Variants in ZSCAN2 observed in about 807,000 individuals in gnomAD.
The protein encoded by ZSCAN2 is zinc finger and SCAN domain-containing protein 2.
A neutral mutation model predicts 47.8 loss-of-function variants in ZSCAN2; 26 were observed. That is an observed-to-expected ratio of 0.54 (90% CI 0.40 to 0.75). ZSCAN2 has a LOEUF of 0.75. ZSCAN2 is among the 30% of genes least tolerant of loss of function. The probability of loss-of-function intolerance (pLI) is 0.00; values close to 1 mark genes in which losing one functional copy is unlikely to be tolerated. For missense variants in ZSCAN2, 732 were observed against 785.4 expected (o/e 0.93, Z 0.81); for synonymous variants, 305 against 288.7 (o/e 1.06, Z -0.57).
At chr15:84,601,281 C>T (rs773007438) in intron 1 of ZSCAN2, 146 bp downstream of exon 1, 4 of 152,236 alleles carry the variant, frequency 2.6e-5, no homozygotes, top group Admixed American at 2.6e-4. Flanking sequence ...GCCCTGCAGC[C>T]CCGATTTACG....
Position 84,622,037 on chromosome 15 carries a change from T to C in ZSCAN2, c.1842T>C (p.Tyr614=), listed in dbSNP as rs372356421. ...GAACTCACATGAAAGAGAAACTTTATTGAAGTGGCAAAGAGTGAAAGTGAG... is the reference window on the plus strand; with the variant it reads ...GAACTCACATGAAAGAGAAACTTTACTGAAGTGGCAAAGAGTGAAAGTGAG... ...HQRTHMKEKL[Y] Residue 614 remains tyrosine, a synonymous_variant, in exon 3 of 3, where the codon TAT becomes TAC. Transcript: ENST00000546148. 1.6e-5 allele frequency: 25 copies of C among 1,596,848 alleles called. No individual in the cohort carries two copies. The highest frequency in any genetic ancestry group is 1.9e-5 in the Non-Finnish European group (22 of 1,170,162).
In ZSCAN2 at chr15:84,620,750, G is replaced by T; in HGVS notation, c.555G>T (p.Gln185His). The change falls in exon 3 of 3, where the codon CAG becomes CAT. Residue 185 changes from glutamine (Q) to histidine (H), a missense_variant. By Grantham distance (24) the Gln-to-His change is conservative. Transcript: ENST00000546148. ...ACTTTGAGAGAGATGCTGGCATCCA[G>T]AGGCTCCAGGGACACAGCCCAGGTG... ...ESDFERDAGIQRLQGHSPGED... is the reference protein window; with the variant it reads ...ESDFERDAGIHRLQGHSPGED... 1 of 1,614,132 alleles carries T rather than the reference G, an allele frequency of 6.2e-7. No homozygotes were observed. The highest frequency in any genetic ancestry group is 8.5e-7 in the Non-Finnish European group (1 of 1,180,060).
intron 2 of ZSCAN2, chr15:84,606,602 C>T: frequency 6.2e-7 from 1 of 1,613,722 alleles, no homozygotes; most frequent in Non-Finnish European, 8.5e-7. Context: ...CAGTCAGATA[C>T]TATGGAGGAG....
intron 2 of ZSCAN2, chr15:84,606,882 A>G (rs1432836187): frequency 1.4e-5 from 16 of 1,136,652 alleles, no homozygotes; most frequent in Non-Finnish European, 1.7e-5. Flanking sequence ...GACCTTCCTC[A>G]TGATTGCTCA....
chr15:84,620,987 T>C lies in ZSCAN2; in HGVS notation c.792T>C (p.Asn264=). The change falls in exon 3 of 3, where the codon AAT becomes AAC. Residue 264 remains asparagine, a synonymous_variant. Transcript: ENST00000546148. The part of the protein sequence containing the change: ...ECGKSFSDGS[N]FSRHQTTHTG... The stretch of plus-strand genomic sequence containing the variant: ...GAAAAAGCTTTAGTGATGGTTCAAA[T>C]TTTAGTAGACACCAAACCACTCACA... The C allele has an allele frequency of 6.2e-7, 1 of 1,613,318 alleles. No homozygotes were observed. The highest frequency in any genetic ancestry group is 8.5e-7 in the Non-Finnish European group (1 of 1,179,832).
In ZSCAN2 at chr15:84,621,148, G is replaced by C; in HGVS notation, c.953G>C (p.Ser318Thr). ...GAGTGTGGCAAGAGCTTCAGCAGGA[G>C]TCCCAACCTCATTGCACATCAGCGC... is the stretch of plus-strand genomic sequence containing the variant. ...CAECGKSFSR[S>T]PNLIAHQRTH... The change falls in exon 3 of 3, where the codon AGT becomes ACT. Residue 318 changes from serine (S) to threonine (T), a missense_variant. This residue lies in a region of ZSCAN2 where 412 missense variants were observed against 498.0 expected (regional missense o/e 0.83). Coordinates refer to ENST00000546148, the MANE Select transcript of ZSCAN2 (RefSeq NM_181877.4). This position sits in a 1 kb window ranked among gnomAD's most constrained non-coding sequence, Gnocchi z 5.7. 6.2e-7 allele frequency: 1 copy of C among 1,613,786 alleles called. No homozygotes were observed. Among genetic ancestry groups the C allele is most frequent in the Non-Finnish European group, 8.5e-7 (1 of 1,179,964 alleles).
At chr15:84,608,530 C>CAA (rs1181525313) in intron 2 of ZSCAN2, among the ~76,000 whole-genome samples, 2,225 of 92,546 alleles carry the variant, frequency 0.024, 74 homozygotes, top group African/African-American at 0.085. Flanking sequence ...GACTCTGTCT[C>CAA]AAAAAAAAAA....
chr15:84,607,607 C>T (rs1436376811), intron 2 of ZSCAN2, among the ~76,000 whole-genome samples: 1 of 152,154 alleles, frequency 6.6e-6, no homozygotes, highest in Non-Finnish European at 1.5e-5. Context: ...CTCCTGGGTT[C>T]AAGTGATTCT....
At chr15:84,616,421 G>C in intron 2 of ZSCAN2, 1 of 1,581,094 alleles carries the variant, frequency 6.3e-7, no homozygotes, top group Non-Finnish European at 8.6e-7. Flanking sequence ...CCAAACACAG[G>C]AAGTGATTTT....
chr15:84,615,912 T>C (rs778130800), intron 2 of ZSCAN2, among the ~76,000 whole-genome samples: 1 of 152,172 alleles, frequency 6.6e-6, no homozygotes, highest in Non-Finnish European at 1.5e-5. Context: ...CATTTAATTA[T>C]TTTTATGGAT....
intron 2 of ZSCAN2, among the ~76,000 whole-genome samples, chr15:84,607,402 T>G (rs572333115): frequency 1.3e-5 from 2 of 152,100 alleles, no homozygotes; most frequent in Non-Finnish European, 2.9e-5. Context: ...CTGTGGGACC[T>G]GGCCCAAACC....
In ZSCAN2 at chr15:84,622,668, T is replaced by C. The variant is rs773556404; in HGVS notation, c.*628T>C. On this transcript the variant is annotated 3_prime_UTR_variant, in exon 3 of 3. Transcript: ENST00000546148. Reference sequence around the variant, plus strand: ...CAGAAAGTGTCAGGAGCACAGAAACTTGAGGAAGTACAGCCTGGAGCCAGT... The same window carrying C: ...CAGAAAGTGTCAGGAGCACAGAAACCTGAGGAAGTACAGCCTGGAGCCAGT... 15 of 717,472 alleles carry C rather than the reference T, an allele frequency of 2.1e-5. No individual in the cohort carries two copies. The South Asian group carries it at 2.2e-4, about 11-fold the overall frequency. The allele number at this position is 717,472 out of a possible 1,614,324, so 44.4% of individuals were successfully genotyped here.
At chr15:84,616,663 A>C in intron 2 of ZSCAN2, 1 of 1,109,210 alleles carries the variant, frequency 9.0e-7, no homozygotes, top group Non-Finnish European at 1.1e-6. Context: ...TGATTTTAAA[A>C]CAGCAAAAAC....
intron 1 of ZSCAN2, chr15:84,602,125 GT>G (rs1895223460): frequency 6.6e-6 from 1 of 151,460 alleles, no homozygotes; most frequent in Admixed American, 6.6e-5. Flanking sequence ...GGCTAATTTT[GT>G]TTTTAGTAGA....
rs956955824 is a variant in ZSCAN2, at chr15:84,614,226, A to G, written c.407-6376A>G. On this transcript the variant is annotated intron_variant, in intron 2 of 2. Transcript: ENST00000546148. The stretch of plus-strand genomic sequence containing the variant: ...AGGCTGGTCTTGAACTCCTGGCCTC[A>G]TGCAGTCCTCTCACCTCAGCCATCC... Among the ~76,000 whole-genome samples the G allele has an allele frequency of 4.9e-4, 74 of 151,808 alleles. 1 individual carries two copies. Among genetic ancestry groups the G allele is most frequent in the Non-Finnish European group, 1.5e-5 (1 of 67,970 alleles).
intron 2 of ZSCAN2, chr15:84,606,840 G>A (rs1895396906): frequency 1.6e-6 from 2 of 1,214,006 alleles, no homozygotes; most frequent in Non-Finnish European, 2.1e-6. Context: ...CTCTGAGATT[G>A]TCTTTGTTGG....
rs145436434 is a variant in ZSCAN2, at chr15:84,621,595, T to C, written c.1400T>C (p.Met467Thr). 14 of 1,613,576 alleles carry C rather than the reference T, an allele frequency of 8.7e-6. No individual in the cohort carries two copies. Among genetic ancestry groups the C allele is most frequent in the Middle Eastern group, 1.6e-4 (1 of 6,084 alleles). The change falls in exon 3 of 3, where the codon ATG becomes ACG. Residue 467 changes from methionine to threonine, a missense_variant. Met to Thr is a moderately conservative substitution (Grantham distance 81). Transcript: ENST00000546148. The surrounding 1 kb of genome is among the most constrained non-coding windows in gnomAD (Gnocchi z 5.7). ...TCCAGTCTGATTGCACACCAGGGCA[T>C]GCACACAGGGGAGAAACCCTACGAG... is the stretch of plus-strand genomic sequence containing the variant. ...QSSSLIAHQG[M>T]HTGEKPYECL...
At position 84,622,874 on chromosome 15, in the gene ZSCAN2, T is replaced by C. The variant is rs1895846028; in HGVS notation, c.*834T>C. ...AGAGTGTAGTGAAGTCCGAGAGCCC[T>C]AGCTGCCAACCCATGGTGGATGGTA... On this transcript the variant is annotated 3_prime_UTR_variant, in exon 3 of 3. Transcript: ENST00000546148. 1 of 587,848 alleles carries C rather than the reference T, an allele frequency of 1.7e-6. No homozygotes were observed. The highest frequency in any genetic ancestry group is 3.1e-6 in the Non-Finnish European group (1 of 323,652). 36.4% of individuals were successfully genotyped at this position (587,848 alleles called of 1,614,324 possible). A position where few individuals can be genotyped will look rare whatever the true frequency, so the allele number is the denominator to read the frequency against.
At chr15:84,606,615 A>C (rs569551162) in intron 2 of ZSCAN2, 1 of 1,612,716 alleles carries the variant, frequency 6.2e-7, no homozygotes, top group East Asian at 2.2e-5. Context: ...TGGAGGAGAG[A>C]GTGATGGAGG....
Sources: allele counts gnomAD v4.1 joint callset (sites outside exome capture counted in the v4.1 genomes callset), GRCh38; gene constraint gnomAD v4.1.1; regional missense constraint gnomAD v4.1.1; non-coding constraint Gnocchi (gnomAD v3.1); transcripts MANE v1.5; gene names NCBI Gene and HGNC (gene_info 2026-07-23, HGNC 2026-07-21).